Variants in UNC5C observed in about 807,000 individuals in gnomAD.
UNC5C encodes the protein netrin receptor UNC5C.
UNC5C carries 47 observed loss-of-function variants against 99.8 expected under a neutral mutation model. That is an observed-to-expected ratio of 0.47 (90% CI 0.37 to 0.60). The LOEUF (loss-of-function observed/expected upper bound fraction) is 0.60. UNC5C is among the 20% of genes least tolerant of loss of function. UNC5C has a pLI of 0.00. For missense variants in UNC5C, 1,062 were observed against 1,165.9 expected (o/e 0.91, Z 1.30); for synonymous variants, 487 against 452.2 (o/e 1.08, Z -0.98).
chr4:95,544,915 G>A (rs11097469), intron 1 of UNC5C, among the ~76,000 whole-genome samples: 13,084 of 152,254 alleles, frequency 0.086, 1,334 homozygotes, highest in African/African-American at 0.24. Flanking sequence ...CTTCTGCAAA[G>A]CCATGACCTA....
chr4:95,314,473 T>C (rs1488353708), intron 2 of UNC5C, among the ~76,000 whole-genome samples: 1 of 152,200 alleles, frequency 6.6e-6, no homozygotes, highest in Non-Finnish European at 1.5e-5. Context: ...ACAACCACAA[T>C]GCTTGCACAG....
chr4:95,204,125 A>G (rs759610966), intron 11 of UNC5C, among the ~76,000 whole-genome samples: 1 of 152,218 alleles, frequency 6.6e-6, no homozygotes, highest in Non-Finnish European at 1.5e-5. Flanking sequence ...AAGTCAGTGA[A>G]ATTTTCAGTC....
At chr4:95,373,567 T>A (rs1744806657) in intron 1 of UNC5C, among the ~76,000 whole-genome samples, 2 of 152,322 alleles carry the variant, frequency 1.3e-5, no homozygotes, top group South Asian at 4.1e-4. Context: ...TGTGTTGATA[T>A]GATGTTTATC....
At chr4:95,195,835 T>G (rs1431947249) in intron 12 of UNC5C, among the ~76,000 whole-genome samples, 6 of 152,080 alleles carry the variant, frequency 3.9e-5, no homozygotes, top group African/African-American at 1.4e-4. Flanking sequence ...AGTTACTCTA[T>G]TACAGTTGGG....
At chr4:95,528,320 TTAACTCTA>T (rs748791501) in intron 1 of UNC5C, among the ~76,000 whole-genome samples, 4 of 152,180 alleles carry the variant, frequency 2.6e-5, no homozygotes, top group Non-Finnish European at 5.9e-5. Context: ...CTGCTTGTGC[TTAACTCTA>T]TCAATTTTCG....
intron 1 of UNC5C, among the ~76,000 whole-genome samples, chr4:95,473,095 T>A (rs1436744580): frequency 6.6e-6 from 1 of 152,142 alleles, no homozygotes; most frequent in Non-Finnish European, 1.5e-5. Context: ...AATGTGTTCC[T>A]CAAAATCTAA....
In UNC5C at chr4:95,166,675, A is replaced by G. The variant is rs1358055368; in HGVS notation, c.*2559T>C. On this transcript the variant is annotated 3_prime_UTR_variant, in exon 16 of 16. Coordinates refer to ENST00000453304, the MANE Select transcript of UNC5C (RefSeq NM_003728.4). ...GGCATAGAAGTTTCTTTGACCATTCAGTTCAGATTCTAGTTCTTGATTTCC... is the reference window on the plus strand; with the variant it reads ...GGCATAGAAGTTTCTTTGACCATTCGGTTCAGATTCTAGTTCTTGATTTCC... 6.6e-6 allele frequency: 1 copy of G among 152,184 alleles called. No individual in the cohort carries two copies. The highest frequency in any genetic ancestry group is 2.4e-5 in the African/African-American group (1 of 41,438). The allele number at this position is 152,184 out of a possible 1,614,324, so 9.4% of individuals were successfully genotyped here.
intron 1 of UNC5C, among the ~76,000 whole-genome samples, chr4:95,476,052 G>A (rs1336435468): frequency 6.6e-6 from 1 of 151,908 alleles, no homozygotes; most frequent in Non-Finnish European, 1.5e-5. Context: ...TAACTTAACG[G>A]GCCCATTTTG....
intron 1 of UNC5C, among the ~76,000 whole-genome samples, chr4:95,523,078 G>A (rs548570667): frequency 6.6e-6 from 1 of 152,302 alleles, no homozygotes; most frequent in Admixed American, 6.5e-5. Flanking sequence ...GACACCCACA[G>A]GAAAGGGGGA....
chr4:95,179,461 A>C (rs970896172), intron 14 of UNC5C, among the ~76,000 whole-genome samples: 11 of 152,216 alleles, frequency 7.2e-5, no homozygotes, highest in African/African-American at 2.7e-4. Flanking sequence ...AGTAAAGTAG[A>C]TGAGAACGGG....
Position 95,220,094 on chromosome 4 carries a change from C to T in UNC5C, c.1191G>A (p.Val397=). The change falls in exon 8 of 16, where the codon GTG becomes GTA. Residue 397 remains valine (V), a synonymous_variant. Transcript: ENST00000453304. ...GATTCTTCCGATACACAAACAAGGC[C>T]ACAACTACAGAGATCGCCAGGCAAA... ...VIVCLAISVV[V]ALFVYRKNHR... 1 of 1,614,110 alleles carries T rather than the reference C, an allele frequency of 6.2e-7. No individual in the cohort carries two copies. The highest frequency in any genetic ancestry group is 8.5e-7 in the Non-Finnish European group (1 of 1,180,002).
chr4:95,293,930 A>G (rs879307070), intron 3 of UNC5C, among the ~76,000 whole-genome samples: 2 of 152,186 alleles, frequency 1.3e-5, no homozygotes, highest in African/African-American at 4.8e-5. Flanking sequence ...CAGTATTATT[A>G]TTCTGGAGCC....
At chr4:95,221,473 TCATGAGA>T (rs1196336632) in intron 7 of UNC5C, among the ~76,000 whole-genome samples, 1 of 152,200 alleles carries the variant, frequency 6.6e-6, no homozygotes, top group East Asian at 1.9e-4. Context: ...TGCCAGTGGC[TCATGAGA>T]CAACCCACAC....
intron 14 of UNC5C, among the ~76,000 whole-genome samples, chr4:95,173,879 T>C (rs1239099298): frequency 6.6e-6 from 1 of 151,948 alleles, no homozygotes; most frequent in African/African-American, 2.4e-5. Flanking sequence ...CCTGGACTCT[T>C]TTTGGTTGGT....
chr4:95,326,893 T>C (rs1044658556), intron 2 of UNC5C, among the ~76,000 whole-genome samples: 27 of 152,318 alleles, frequency 1.8e-4, no homozygotes, highest in Non-Finnish European at 2.9e-5. Context: ...CAATTTTTCT[T>C]AGTCTCAAGG....
Position 95,242,544 on chromosome 4 carries a change from C to G in UNC5C, c.993G>C (p.Glu331Asp). ...ACTCCCTCCTGCGCCAGTGGGTGCACTCAGTTCCACAAGTAGACCACTTGC... is the reference window on the plus strand; with the variant it reads ...ACTCCCTCCTGCGCCAGTGGGTGCAGTCAGTTCCACAAGTAGACCACTTGC... Reference protein sequence around the residue: ...PWSKWSTCGTECTHWRRRECT... With the variant: ...PWSKWSTCGTDCTHWRRRECT... Residue 331 changes from glutamate (E) to aspartate (D), a missense_variant, in exon 7 of 16, where the codon GAG becomes GAC. Physicochemically the swap from Glu to Asp is conservative, Grantham distance 45. This residue lies in a region of UNC5C where 810 missense variants were observed against 854.5 expected (regional missense o/e 0.95). Transcript: ENST00000453304. The G allele has an allele frequency of 2.5e-6, 4 of 1,610,102 alleles. No individual in the cohort carries two copies. Among genetic ancestry groups the G allele is most frequent in the Non-Finnish European group, 3.4e-6 (4 of 1,178,122 alleles).
chr4:95,526,861 A>G (rs1247993463), intron 1 of UNC5C, among the ~76,000 whole-genome samples: 1 of 152,108 alleles, frequency 6.6e-6, no homozygotes, highest in Non-Finnish European at 1.5e-5. Flanking sequence ...CAAAGTAACA[A>G]TAAAAACACA....
chr4:95,200,793 G>A lies in UNC5C; in HGVS notation c.2136+1938C>T, dbSNP rs540217734. On this transcript the variant is annotated intron_variant, in intron 12 of 15. Coordinates refer to ENST00000453304, the MANE Select transcript of UNC5C (RefSeq NM_003728.4). ...ATCCGTATTTCTAACCGTGCCTTGG[G>A]CATCTTTTATACCTCTAATTCAGTA... 3.3e-5 allele frequency among the ~76,000 whole-genome samples: 5 copies of A among 152,184 alleles called. No homozygotes were observed. In the South Asian group the frequency reaches 8.3e-4, roughly 25 times the overall value.
chr4:95,446,923 C>G (rs962239268), intron 1 of UNC5C, among the ~76,000 whole-genome samples: 1 of 152,202 alleles, frequency 6.6e-6, no homozygotes, highest in Non-Finnish European at 1.5e-5. Flanking sequence ...CACAGCATTT[C>G]TCTATCATTC....
Sources: allele counts gnomAD v4.1 joint callset (sites outside exome capture counted in the v4.1 genomes callset), GRCh38; gene constraint gnomAD v4.1.1; regional missense constraint gnomAD v4.1.1; transcripts MANE v1.5; gene names NCBI Gene and HGNC (gene_info 2026-07-23, HGNC 2026-07-21).